The following TLR7 variants were observed in gnomAD, a reference collection of about 807,000 sequenced individuals.
TLR7 encodes the protein toll-like receptor 7.
In TLR7, 12 loss-of-function variants were observed where a neutral mutation model predicts 38.3. The ratio of observed to expected loss-of-function variants is 0.31; its 90% confidence interval spans 0.20 to 0.51. The LOEUF is 0.51. Ranked by LOEUF, TLR7 falls within the 20% of genes least tolerant of loss-of-function variation. The pLI is 0.98. For missense variants in TLR7, 504 were observed against 743.4 expected (o/e 0.68, Z 3.74); for synonymous variants, 285 against 293.8 (o/e 0.97, Z 0.31).
intron 2 of TLR7, among the ~76,000 whole-genome samples, chrX:12,876,072 C>T (rs1244019665): frequency 9.2e-5 from 10 of 109,273 alleles, no homozygotes; most frequent in East Asian, 5.7e-4. Context: ...AATTCTCCTG[C>T]GTCAGCCTCC....
chrX:12,885,491 T>A (rs200811559), intron 2 of TLR7, 21 bp from the exon 3 acceptor site: 28 of 1,147,843 alleles, frequency 2.4e-5, no homozygotes, highest in Non-Finnish European at 3.1e-5. Flanking sequence ...AACAATGATT[T>A]GTTCTTTCTT....
intron 2 of TLR7, chrX:12,877,706 G>C (rs1186987787): frequency 9.1e-6 from 1 of 110,416 alleles, no homozygotes; most frequent in African/African-American, 3.3e-5. Context: ...CTGAGAAAAA[G>C]GATTATGAAA....
At chrX:12,867,880 G>T (rs1789758101) in intron 2 of TLR7, among the ~76,000 whole-genome samples, 1 of 112,308 alleles carries the variant, frequency 8.9e-6, no homozygotes, top group African/African-American at 3.2e-5. Context: ...CTACAATTTT[G>T]GCTTTAAAGC....
At chrX:12,875,560 C>A (rs977396674) in intron 2 of TLR7, among the ~76,000 whole-genome samples, 1 of 112,013 alleles carries the variant, frequency 8.9e-6, no homozygotes, top group South Asian at 3.7e-4. Context: ...ATAATCCCCA[C>A]GTGTTGTGGG....
intron 2 of TLR7, among the ~76,000 whole-genome samples, chrX:12,869,830 C>CAAAAA (rs34022797): frequency 5.8e-5 from 3 of 51,436 alleles, no homozygotes; most frequent in Non-Finnish European, 7.2e-5. Context: ...TGCAGCCAGG[C>CAAAAA]AAAAAAAAAA....
chrX:12,885,483 C>G, intron 2 of TLR7, 29 bp from the exon 3 acceptor site: 1 of 1,136,590 alleles, frequency 8.8e-7, no homozygotes, highest in South Asian at 2.1e-5. Context: ...TGTTTTAGAA[C>G]AATGATTTGT....
chrX:12,885,991 T>C lies in TLR7; in HGVS notation c.483T>C (p.Phe161=), dbSNP rs1414535418. 3 of 1,210,549 alleles carry C rather than the reference T, an allele frequency of 2.5e-6. No homozygotes were observed. The African/African-American group carries it at 5.2e-5, about 21-fold the overall frequency. ...TCAGCCTTGAGGCCAACAACATCTT[T>C]TCCATCAGAAAAGAGAATCTAACAG... ...QLLSLEANNI[F]SIRKENLTEL... is the part of the protein sequence containing the mutation. The change falls in exon 3 of 3, where the codon TTT becomes TTC. Residue 161 remains phenylalanine (F), a synonymous_variant. Transcript: ENST00000380659.
chrX:12,878,664 G>A (rs1260999123), intron 2 of TLR7, among the ~76,000 whole-genome samples: 1 of 111,696 alleles, frequency 9.0e-6, no homozygotes, highest in Non-Finnish European at 1.9e-5. Flanking sequence ...GGAGCCACAT[G>A]TGACTATGAC....
Position 12,889,006 on chromosome X carries a change from C to G in TLR7, c.*348C>G, listed in dbSNP as rs2042921212. 6.0e-6 allele frequency: 1 copy of G among 165,621 alleles called. No homozygotes were observed. The highest frequency in any genetic ancestry group is 3.1e-5 in the African/African-American group (1 of 32,450). The allele number at this position is 165,621 out of a possible 1,213,427, so 13.6% of individuals were successfully genotyped here. A position where few individuals can be genotyped will look rare whatever the true frequency, so the allele number is the denominator to read the frequency against. ...ACATTGAGAAGAACTGCATTTCTAC[C>G]CTTAAAAAGTACTGGTATATACAGA... On this transcript the variant is annotated 3_prime_UTR_variant, in exon 3 of 3. Transcript: ENST00000380659.
chrX:12,880,942 C>G (rs142136447), intron 2 of TLR7, among the ~76,000 whole-genome samples: 1 of 110,753 alleles, frequency 9.0e-6, no homozygotes, highest in Non-Finnish European at 1.9e-5. Flanking sequence ...TAATAGAGGT[C>G]TAGGCTAGGC....
At position 12,885,955 on chromosome X, in the gene TLR7, C is replaced by T. The variant is rs5743779; in HGVS notation, c.447C>T (p.Ser149=). Residue 149 remains serine (S), a synonymous_variant, in exon 3 of 3, where the codon AGC becomes AGT. Transcript: ENST00000380659. ...AGATACCGCAGGGCCTCCCGCCTAG[C>T]TTACAGCTTCTCAGCCTTGAGGCCA... is the stretch of plus-strand genomic sequence containing the variant. ...LLEIPQGLPP[S]LQLLSLEANN... is the part of the protein sequence containing the mutation. 1.9e-4 allele frequency: 227 copies of T among 1,210,440 alleles called. No individual in the cohort carries two copies. The highest frequency in any genetic ancestry group is 2.4e-4 in the Non-Finnish European group (218 of 895,263).
intron 2 of TLR7, among the ~76,000 whole-genome samples, chrX:12,875,287 G>A (rs1403173177): frequency 8.9e-6 from 1 of 112,031 alleles, no homozygotes; most frequent in Non-Finnish European, 1.9e-5. Context: ...TGACAATAGA[G>A]CAGCAGAGTA....
intron 2 of TLR7, 110 bp from the exon 3 acceptor site, chrX:12,885,402 T>C (rs2042906439): frequency 1.4e-6 from 1 of 721,095 alleles, no homozygotes; most frequent in Non-Finnish European, 2.1e-6. Flanking sequence ...AAATAAGACC[T>C]GAATTGTTTA....
intron 2 of TLR7, among the ~76,000 whole-genome samples, chrX:12,884,098 A>G (rs1267866917): frequency 3.6e-5 from 4 of 110,617 alleles, no homozygotes; most frequent in Non-Finnish European, 5.7e-5. Flanking sequence ...TCCCAACTCA[A>G]CCTCCCGAGT....
At chrX:12,883,779 G>C (rs2042900551) in intron 2 of TLR7, among the ~76,000 whole-genome samples, 1 of 110,816 alleles carries the variant, frequency 9.0e-6, no homozygotes, top group Admixed American at 9.6e-5. Flanking sequence ...AGGATGTTAA[G>C]AACAATGAAG....
In TLR7 at chrX:12,886,029, T is replaced by C. The variant is rs1158264358; in HGVS notation, c.521T>C (p.Ile174Thr). 8.3e-7 allele frequency: 1 copy of C among 1,211,708 alleles called. No homozygotes were observed. Residue 174 changes from isoleucine (I) to threonine (T), a missense_variant, in exon 3 of 3, where the codon ATA becomes ACA. By Grantham distance (89) the Ile-to-Thr change is moderately conservative. Transcript: ENST00000380659. ...RKENLTELAN[I>T]EILYLGQNCY... Reference sequence around the variant, plus strand: ...GAGAATCTAACAGAACTGGCCAACATAGAAATACTCTACCTGGGCCAAAAC... The same window carrying C: ...GAGAATCTAACAGAACTGGCCAACACAGAAATACTCTACCTGGGCCAAAAC...
chrX:12,871,628 T>A (rs907402443), intron 2 of TLR7, among the ~76,000 whole-genome samples: 2 of 111,773 alleles, frequency 1.8e-5, no homozygotes, highest in African/African-American at 6.5e-5. Flanking sequence ...GAAATGCAGA[T>A]CCCAACATTT....
chrX:12,875,883 T>G (rs772706664), intron 2 of TLR7, among the ~76,000 whole-genome samples: 1 of 112,070 alleles, frequency 8.9e-6, no homozygotes, highest in Admixed American at 9.4e-5. Flanking sequence ...ATGCAATTCA[T>G]TTAAAAAATC....
intron 2 of TLR7, among the ~76,000 whole-genome samples, chrX:12,878,947 A>AAATAAAGGG (rs2042882264): frequency 8.9e-6 from 1 of 112,190 alleles, no homozygotes; most frequent in Non-Finnish European, 1.9e-5. Context: ...GGTAAACTAC[A>AAATAAAGGG]GTAGAAGTTG....
Sources: allele counts gnomAD v4.1 joint callset (sites outside exome capture counted in the v4.1 genomes callset), GRCh38; gene constraint gnomAD v4.1.1; transcripts MANE v1.5; gene names NCBI Gene and HGNC (gene_info 2026-07-23, HGNC 2026-07-21).